Variants in GRIK1 observed in about 807,000 individuals in gnomAD.
The protein encoded by GRIK1 is glutamate ionotropic receptor kainate type subunit 1, also known as glutamate receptor ionotropic, kainate 1.
A neutral mutation model predicts 105.7 loss-of-function variants in GRIK1; 69 were observed. That is an observed-to-expected ratio of 0.65 (90% CI 0.54 to 0.80). GRIK1 has a LOEUF of 0.80. Ranked by LOEUF, GRIK1 falls within the 30% of genes least tolerant of loss-of-function variation. The probability of loss-of-function intolerance (pLI) is 0.00; values close to 1 mark genes in which losing one functional copy is unlikely to be tolerated. For missense variants in GRIK1, 1,109 were observed against 1,167.3 expected, an observed-to-expected ratio of 0.95 and a Z score of 0.73; for synonymous variants, 438 against 431.3, an observed-to-expected ratio of 1.02 and a Z score of -0.19.
intron 15 of GRIK1, among the ~76,000 whole-genome samples, chr21:29,558,531 T>C (rs1028453596): frequency 6.6e-6 from 1 of 151,672 alleles, no homozygotes; most frequent in Admixed American, 6.6e-5. Context: ...TTCCAATTAT[T>C]CCTTCATTGT....
intron 16 of GRIK1, chr21:29,553,663 A>T (rs777375906): frequency 7.5e-6 from 12 of 1,608,916 alleles, no homozygotes; most frequent in Non-Finnish European, 1.0e-5. Flanking sequence ...AGTTGGTTGG[A>T]TGGGTTTGCT....
chr21:29,718,513 T>G (rs1328972088), intron 1 of GRIK1, among the ~76,000 whole-genome samples: 1 of 152,226 alleles, frequency 6.6e-6, no homozygotes, highest in Non-Finnish European at 1.5e-5. Context: ...CTTTATGACA[T>G]TGTTAATAAT....
chr21:29,608,393 T>C (rs2146359824), intron 7 of GRIK1, among the ~76,000 whole-genome samples: 1 of 152,252 alleles, frequency 6.6e-6, no homozygotes, highest in South Asian at 2.1e-4. Flanking sequence ...CCTCGGAGTA[T>C]AATATATGCA....
At chr21:29,707,458 C>T (rs1421717892) in intron 1 of GRIK1, among the ~76,000 whole-genome samples, 304 of 89,422 alleles carry the variant, frequency 3.4e-3, no homozygotes, top group African/African-American at 0.012. Flanking sequence ...CTCCCTCCCT[C>T]CCTCCCTCCC....
intron 1 of GRIK1, among the ~76,000 whole-genome samples, chr21:29,855,243 G>A (rs1444232957): frequency 2.0e-5 from 3 of 152,170 alleles, no homozygotes; most frequent in African/African-American, 4.8e-5. Flanking sequence ...TTATTACGGA[G>A]TGAAAGAGAC....
intron 1 of GRIK1, among the ~76,000 whole-genome samples, chr21:29,837,203 C>T (rs2067832351): frequency 6.6e-6 from 1 of 152,162 alleles, no homozygotes; most frequent in Non-Finnish European, 1.5e-5. Flanking sequence ...GTATCTCTCT[C>T]TCCTACAAGG....
chr21:29,901,060 G>A (rs961243889), intron 1 of GRIK1, among the ~76,000 whole-genome samples: 8 of 152,124 alleles, frequency 5.3e-5, no homozygotes, highest in African/African-American at 1.7e-4. Context: ...AAGAAATGAA[G>A]GCAGAAATAA....
At chr21:29,726,326 C>G (rs2064460165) in intron 1 of GRIK1, among the ~76,000 whole-genome samples, 1 of 152,120 alleles carries the variant, frequency 6.6e-6, no homozygotes, top group Admixed American at 6.5e-5. Flanking sequence ...AGATGAAATA[C>G]AATTTGCCTG....
chr21:29,580,015 ATG>A (rs1568843148), intron 13 of GRIK1, among the ~76,000 whole-genome samples: 5 of 144,712 alleles, frequency 3.5e-5, no homozygotes, highest in South Asian at 2.1e-4. Flanking sequence ...ATGTATATAT[ATG>A]TGTATATATG....
intron 4 of GRIK1, among the ~76,000 whole-genome samples, chr21:29,659,352 T>TC (rs889763307): frequency 5.3e-5 from 8 of 152,154 alleles, no homozygotes; most frequent in African/African-American, 1.9e-4. Context: ...AAAACAGTTT[T>TC]CCCCCCCTAC....
intron 7 of GRIK1, among the ~76,000 whole-genome samples, chr21:29,640,306 G>C (rs2062485850): frequency 6.6e-6 from 1 of 152,102 alleles, no homozygotes; most frequent in Non-Finnish European, 1.5e-5. Flanking sequence ...GCATGTTTTA[G>C]GTTGTCTCAG....
chr21:29,839,773 A>T (rs1389292208), intron 1 of GRIK1, among the ~76,000 whole-genome samples: 1 of 152,136 alleles, frequency 6.6e-6, no homozygotes, highest in Non-Finnish European at 1.5e-5. Flanking sequence ...GAAAGGCAAC[A>T]AAGATAGAAC....
chr21:29,564,200 T>C (rs2090555189), intron 14 of GRIK1, among the ~76,000 whole-genome samples: 2 of 152,086 alleles, frequency 1.3e-5, no homozygotes, highest in Admixed American at 6.5e-5. Flanking sequence ...CAGGCTGGAG[T>C]GCAGTGGCGC....
At chr21:29,603,380 T>C (rs1158203714) in intron 7 of GRIK1, among the ~76,000 whole-genome samples, 1 of 152,026 alleles carries the variant, frequency 6.6e-6, no homozygotes, top group African/African-American at 2.4e-5. Flanking sequence ...ACCTAGTCTC[T>C]AGAGTTTATT....
Position 29,624,401 on chromosome 21 carries a change from G to T in GRIK1, c.1098+18425C>A, listed in dbSNP as rs111335175. On this transcript the variant is annotated intron_variant, in intron 7 of 17. Coordinates refer to ENST00000327783, the MANE Select transcript of GRIK1 (RefSeq NM_001330994.2). ...ATGGTATAAGATATTTAGAAGGGAG[G>T]AAAAAGGCATTTTTTAGAAGTCATT... 6.9e-3 allele frequency among the ~76,000 whole-genome samples: 1,056 copies of T among 152,074 alleles called. 10 individuals carry two copies. The highest frequency in any genetic ancestry group is 0.024 in the African/African-American group (996 of 41,472).
intron 7 of GRIK1, among the ~76,000 whole-genome samples, chr21:29,623,357 C>G (rs2062051170): frequency 1.3e-5 from 2 of 151,904 alleles, no homozygotes; most frequent in South Asian, 4.2e-4. Flanking sequence ...ATTATGGAAA[C>G]TATAATTCGA....
chr21:29,555,297 G>A lies in GRIK1; in HGVS notation c.2362C>T (p.Pro788Ser). Residue 788 changes from proline to serine, a missense_variant, in exon 16 of 18, where the codon CCT becomes TCT. Coordinates refer to ENST00000327783, the MANE Select transcript of GRIK1 (RefSeq NM_001330994.2). Reference sequence around the variant, plus strand: ...GCAATAGTAATTTTATCCCGGTAAGGAGAACCTGGAAGTAAAACCATCTGG... The same window carrying A: ...GCAATAGTAATTTTATCCCGGTAAGAAGAACCTGGAAGTAAAACCATCTGG... The part of the protein sequence containing the change: ...GYGVGTPIGS[P>S]YRDKITIAIL... The A allele has an allele frequency of 6.2e-7, 1 of 1,612,546 alleles. No homozygotes were observed. Among genetic ancestry groups the A allele is most frequent in the Middle Eastern group, 1.7e-4 (1 of 6,044 alleles).
intron 1 of GRIK1, among the ~76,000 whole-genome samples, chr21:29,858,412 T>C (rs1601870211): frequency 6.6e-6 from 1 of 152,244 alleles, no homozygotes; most frequent in East Asian, 1.9e-4. Flanking sequence ...AGTGTCTCCC[T>C]GGAACCTCTT....
intron 1 of GRIK1, among the ~76,000 whole-genome samples, chr21:29,875,983 G>T (rs916937046): frequency 1.3e-5 from 2 of 152,130 alleles, no homozygotes; most frequent in Non-Finnish European, 2.9e-5. Flanking sequence ...ATGCAAGCAC[G>T]TGAGCTCCCA....
Sources: allele counts gnomAD v4.1 joint callset (sites outside exome capture counted in the v4.1 genomes callset), GRCh38; gene constraint gnomAD v4.1.1; transcripts MANE v1.5; gene names NCBI Gene and HGNC (gene_info 2026-07-23, HGNC 2026-07-21).